C3orf70: variants seen among roughly 807,000 people sequenced by gnomAD.
C3orf70 encodes the protein chromosome 3 open reading frame 70.
C3orf70 carries 15 observed loss-of-function variants against 20.7 expected under a neutral mutation model. That is an observed-to-expected ratio of 0.72 (90% CI 0.48 to 1.11). C3orf70 has a LOEUF of 1.11. C3orf70 is among the 50% of genes most tolerant of loss of function. The pLI, the probability that C3orf70 is intolerant of heterozygous loss-of-function variation, is 0.00. For synonymous variants in C3orf70, 161 were observed against 125.7 expected, an observed-to-expected ratio of 1.28 and a Z score of -1.88; for missense variants, 332 against 317.6, an observed-to-expected ratio of 1.05 and a Z score of -0.34.
At chr3:185,145,931 GTTCTCTATCTCTGGAAGAACCTATCAGCA>G in intron 1 of C3orf70, among the ~76,000 whole-genome samples, 4 of 152,182 alleles carry the variant, frequency 2.6e-5, no homozygotes, top group South Asian at 2.1e-4. Context: ...ACCTATCAGC[GTTCTCTATCTCTGGAAGAACCTATCAGCA>G]TTCTCTATCT....
Position 185,082,956 on chromosome 3 carries a change from A to G in C3orf70, c.*51T>C. 4 of 1,544,768 alleles carry G rather than the reference A, an allele frequency of 2.6e-6. No individual in the cohort carries two copies. Among genetic ancestry groups the G allele is most frequent in the Non-Finnish European group, 3.5e-6 (4 of 1,140,410 alleles). ...TTGGAAAAAAGGATCCACCAGACAA[A>G]GGTACAAAAGCTCGGCGTGGGTCCG... On this transcript the variant is annotated 3_prime_UTR_variant, in exon 2 of 2. Transcript: ENST00000335012.
rs1437851230 is a variant in C3orf70, at chr3:185,083,253, A to C, written c.507T>G (p.Ile169Met). 4.3e-6 allele frequency: 7 copies of C among 1,614,056 alleles called. No homozygotes were observed. The Admixed American group carries it at 6.7e-5, about 15-fold the overall frequency. Reference protein sequence around the residue: ...PEEVSAHDALISKESNTPKID... With the variant: ...PEEVSAHDALMSKESNTPKID... ...TTTTTGGTGTATTGCTCTCTTTTGA[A>C]ATTAAGGCATCGTGTGCAGAGACCT... Residue 169 changes from isoleucine (I) to methionine (M), a missense_variant, in exon 2 of 2, where the codon ATT becomes ATG. Ile to Met is a conservative substitution (Grantham distance 10). Coordinates refer to ENST00000335012, the MANE Select transcript of C3orf70 (RefSeq NM_001025266.3).
At chr3:185,145,883 G>A (rs150426765) in intron 1 of C3orf70, among the ~76,000 whole-genome samples, 168 of 152,332 alleles carry the variant, frequency 1.1e-3, no homozygotes, top group African/African-American at 3.8e-3. Context: ...TGAAGTTTAC[G>A]TGCATCCATC....
chr3:185,083,547 C>T lies in C3orf70; in HGVS notation c.213G>A (p.Gln71=), dbSNP rs1715399571. The T allele has an allele frequency of 1.9e-6, 3 of 1,597,512 alleles. No individual in the cohort carries two copies. Among genetic ancestry groups the T allele is most frequent in the African/African-American group, 2.7e-5 (2 of 74,426 alleles). ...LGWCHCKYMY[Q]PMTPVEQLPS... is the part of the protein sequence containing the mutation. ...GAAGCTGTTCCACAGGGGTCATAGGCTGATACATGTATTTGCCTGTGAAGA... is the reference window on the plus strand; with the variant it reads ...GAAGCTGTTCCACAGGGGTCATAGGTTGATACATGTATTTGCCTGTGAAGA... The change falls in exon 2 of 2, where the codon CAG becomes CAA. Residue 71 remains glutamine, a synonymous_variant. Coordinates refer to ENST00000335012, the MANE Select transcript of C3orf70 (RefSeq NM_001025266.3).
intron 1 of C3orf70, among the ~76,000 whole-genome samples, chr3:185,116,071 A>G (rs1157627158): frequency 1.3e-5 from 2 of 152,338 alleles, no homozygotes; most frequent in East Asian, 3.9e-4. Flanking sequence ...GCCTAGGTGG[A>G]TAAGTCTTCT....
At chr3:185,107,058 C>T (rs1715959453) in intron 1 of C3orf70, among the ~76,000 whole-genome samples, 1 of 152,090 alleles carries the variant, frequency 6.6e-6, no homozygotes, top group Non-Finnish European at 1.5e-5. Flanking sequence ...TTGGGTAAAT[C>T]AAATTACTAA....
intron 1 of C3orf70, among the ~76,000 whole-genome samples, chr3:185,150,377 T>C (rs925265263): frequency 2.0e-5 from 3 of 152,154 alleles, no homozygotes; most frequent in Non-Finnish European, 2.9e-5. Context: ...GACAAACAGC[T>C]TATAAATATA....
chr3:185,150,991 C>G (rs1224664749), intron 1 of C3orf70, among the ~76,000 whole-genome samples: 1 of 152,174 alleles, frequency 6.6e-6, no homozygotes, highest in Non-Finnish European at 1.5e-5. Context: ...AGAGAGAAGA[C>G]AGTCCATATG....
intron 1 of C3orf70, among the ~76,000 whole-genome samples, 159 bp downstream of exon 1, chr3:185,152,469 T>C (rs1293388702): frequency 6.6e-6 from 1 of 151,922 alleles, no homozygotes; most frequent in Non-Finnish European, 1.5e-5. Flanking sequence ...CAAGGAAAGC[T>C]CCGGCGGGCC....
At chr3:185,142,481 A>G (rs1005539383) in intron 1 of C3orf70, among the ~76,000 whole-genome samples, 1 of 152,216 alleles carries the variant, frequency 6.6e-6, no homozygotes, top group African/African-American at 2.4e-5. Flanking sequence ...GATGGGGTAC[A>G]GTTAGAGAAC....
intron 1 of C3orf70, among the ~76,000 whole-genome samples, chr3:185,136,562 T>TAA (rs55864881): frequency 3.3e-5 from 5 of 152,092 alleles, no homozygotes; most frequent in South Asian, 4.2e-4. Context: ...CTACTAAAAA[T>TAA]AAAAAAATTA....
rs557994804 is a variant in C3orf70, at chr3:185,153,031, C to G, written c.-208G>C. 1,328 of 177,354 alleles carry G rather than the reference C, an allele frequency of 7.5e-3. 8 individuals are homozygous for G. The highest frequency in any genetic ancestry group is 0.011 in the South Asian group (57 of 5,180). 11.0% of individuals were successfully genotyped at this position (177,354 alleles called of 1,614,324 possible). A position where few individuals can be genotyped will look rare whatever the true frequency, so the allele number is the denominator to read the frequency against. On this transcript the variant is annotated 5_prime_UTR_variant, in exon 1 of 2. Coordinates refer to ENST00000335012, the MANE Select transcript of C3orf70 (RefSeq NM_001025266.3). The surrounding 1 kb of genome is among the most constrained non-coding windows in gnomAD (Gnocchi z 6.8). ...GACCGGGTCCGGGCTGGCAGCCTCCCTCCCTCCGGCGCGGCGCGCGCCGCG... is the reference window on the plus strand; with the variant it reads ...GACCGGGTCCGGGCTGGCAGCCTCCGTCCCTCCGGCGCGGCGCGCGCCGCG...
intron 1 of C3orf70, among the ~76,000 whole-genome samples, chr3:185,089,167 A>T (rs550159489): frequency 4.6e-5 from 7 of 152,260 alleles, no homozygotes; most frequent in African/African-American, 1.7e-4. Context: ...TTCCCAAATA[A>T]ATTCAACATA....
chr3:185,111,651 A>C (rs1716074790), intron 1 of C3orf70, among the ~76,000 whole-genome samples: 1 of 152,172 alleles, frequency 6.6e-6, no homozygotes, highest in African/African-American at 2.4e-5. Context: ...TGGGAAAACT[A>C]TTTTGAAAAA....
intron 1 of C3orf70, among the ~76,000 whole-genome samples, chr3:185,132,936 G>A (rs1716551253): frequency 1.3e-5 from 2 of 152,172 alleles, no homozygotes; most frequent in African/African-American, 4.8e-5. Flanking sequence ...TCAAAGGAAT[G>A]ACAACTGACA....
chr3:185,129,242 A>G (rs1304571086), intron 1 of C3orf70, among the ~76,000 whole-genome samples: 1 of 152,112 alleles, frequency 6.6e-6, no homozygotes, highest in Non-Finnish European at 1.5e-5. Context: ...TGCCCTCTAA[A>G]AGTCCACAGT....
intron 1 of C3orf70, among the ~76,000 whole-genome samples, chr3:185,098,116 G>GC (rs989994385): frequency 6.6e-6 from 1 of 152,138 alleles, no homozygotes; most frequent in African/African-American, 2.4e-5. Context: ...CAGGGGAAAG[G>GC]CTGTGGCTAA....
At chr3:185,092,980 A>C (rs1715626080) in intron 1 of C3orf70, among the ~76,000 whole-genome samples, 1 of 121,832 alleles carries the variant, frequency 8.2e-6, no homozygotes, top group Non-Finnish European at 1.7e-5. Context: ...ACAAAGCAAG[A>C]CTCCATCTCA....
chr3:185,094,086 T>TG (rs1715651049), intron 1 of C3orf70, among the ~76,000 whole-genome samples: 1 of 143,704 alleles, frequency 7.0e-6, no homozygotes, highest in Non-Finnish European at 1.5e-5. Flanking sequence ...TTTTTTTTTT[T>TG]TTTTTTTTTT....
Sources: allele counts gnomAD v4.1 joint callset (sites outside exome capture counted in the v4.1 genomes callset), GRCh38; gene constraint gnomAD v4.1.1; non-coding constraint Gnocchi (gnomAD v3.1); transcripts MANE v1.5; gene names NCBI Gene and HGNC (gene_info 2026-07-23, HGNC 2026-07-21).